CHST9: variants seen among roughly 807,000 people sequenced by gnomAD.
CHST9 encodes the protein carbohydrate sulfotransferase 9.
In CHST9, 41 loss-of-function variants were observed where a neutral mutation model predicts 44.4. The ratio of observed to expected loss-of-function variants is 0.92; its 90% CI spans 0.72 to 1.20. The LOEUF is 1.20. CHST9 is among the 50% of genes most tolerant of loss of function. The pLI is 0.00. For missense variants in CHST9, 504 were observed against 516.5 expected (o/e 0.98, Z 0.23); for synonymous variants, 171 against 178.4 (o/e 0.96, Z 0.33).
rs1470972438 is a variant in CHST9, at chr18:27,142,739, C to T, written c.71G>A (p.Gly24Glu). Residue 24 changes from glycine to glutamate, a missense_variant, in exon 2 of 6, where the codon GGG becomes GAG. Transcript: ENST00000618847. ...TTGCAAATACATGAAGAGGAGTAGC[C>T]CAGCTACTCCAAATATCAGCACAGA... ...FLSVLIFGVAGLLLFMYLQVW... is the reference protein window; with the variant it reads ...FLSVLIFGVAELLLFMYLQVW... 1 of 1,606,394 alleles carries T rather than the reference C, an allele frequency of 6.2e-7. No homozygotes were observed. The highest frequency in any genetic ancestry group is 1.7e-5 in the Admixed American group (1 of 59,828).
At chr18:27,083,070 T>G (rs1385753) in intron 2 of CHST9, among the ~76,000 whole-genome samples, 1 of 151,890 alleles carries the variant, frequency 6.6e-6, no homozygotes, top group Non-Finnish European at 1.5e-5. Flanking sequence ...TGTGAAGAGA[T>G]AGCCGTAAGG....
intron 4 of CHST9, among the ~76,000 whole-genome samples, chr18:27,021,587 A>G (rs1161277283): frequency 2.0e-5 from 3 of 152,140 alleles, no homozygotes; most frequent in African/African-American, 7.2e-5. Context: ...CTGCAAACTC[A>G]TGTTTTCAGG....
At chr18:26,924,273 A>G (rs748315218) in intron 5 of CHST9, among the ~76,000 whole-genome samples, 23 of 152,170 alleles carry the variant, frequency 1.5e-4, no homozygotes, top group Non-Finnish European at 2.2e-4. Context: ...TCGAAGCATA[A>G]GGGTGACAGA....
intron 1 of CHST9, among the ~76,000 whole-genome samples, chr18:27,155,195 A>G (rs1057340945): frequency 1.3e-5 from 2 of 152,272 alleles, no homozygotes; most frequent in Admixed American, 6.5e-5. Context: ...AAGTTAGTAC[A>G]TGAAAAATAT....
intron 3 of CHST9, among the ~76,000 whole-genome samples, chr18:27,043,730 C>A (rs1443088281): frequency 1.3e-5 from 2 of 152,004 alleles, no homozygotes; most frequent in Non-Finnish European, 2.9e-5. Context: ...TTTTAGAAAC[C>A]TCTCTCCTGG....
intron 4 of CHST9, among the ~76,000 whole-genome samples, chr18:27,010,610 CAT>C (rs1313060116): frequency 6.6e-6 from 1 of 152,158 alleles, no homozygotes; most frequent in Non-Finnish European, 1.5e-5. Flanking sequence ...TTGGGTTTCT[CAT>C]ATACAACATG....
At chr18:27,034,630 T>C (rs747812476) in intron 3 of CHST9, among the ~76,000 whole-genome samples, 3 of 152,220 alleles carry the variant, frequency 2.0e-5, no homozygotes, top group Non-Finnish European at 4.4e-5. Flanking sequence ...ACTTTCTTTC[T>C]TCTTCCTCAA....
chr18:27,097,043 C>T (rs553423969), intron 2 of CHST9, among the ~76,000 whole-genome samples: 13 of 152,174 alleles, frequency 8.5e-5, no homozygotes, highest in African/African-American at 3.1e-4. Context: ...TACTAGCAAA[C>T]TGAATTCAAC....
intron 4 of CHST9, among the ~76,000 whole-genome samples, chr18:27,018,506 G>C (rs141469006): frequency 2.0e-5 from 3 of 152,278 alleles, no homozygotes; most frequent in Non-Finnish European, 4.4e-5. Flanking sequence ...GACAGCCCCA[G>C]TGTGTGCAGA....
chr18:27,027,778 C>T (rs1365877784), intron 3 of CHST9, among the ~76,000 whole-genome samples: 2 of 152,190 alleles, frequency 1.3e-5, no homozygotes, highest in South Asian at 2.1e-4. Flanking sequence ...GTATATTTCT[C>T]AGTTTCTGTT....
At chr18:27,142,659 T>A (rs1396410196) in intron 2 of CHST9, 30 bp downstream of exon 2, 3 of 1,511,050 alleles carry the variant, frequency 2.0e-6, no homozygotes, top group Non-Finnish European at 2.7e-6. Flanking sequence ...ATTGTTACAA[T>A]TAAAATAGAA....
intron 2 of CHST9, among the ~76,000 whole-genome samples, chr18:27,127,616 T>A (rs547983222): frequency 6.6e-6 from 1 of 152,110 alleles, no homozygotes; most frequent in Non-Finnish European, 1.5e-5. Context: ...AGGGAAAATA[T>A]GGTTGAAAGA....
intron 4 of CHST9, 79 bp from the exon 5 acceptor site, chr18:26,944,445 C>T: frequency 1.0e-6 from 1 of 1,001,646 alleles, no homozygotes; most frequent in Non-Finnish European, 1.6e-6. Flanking sequence ...GCTCTGTTTA[C>T]AGTAAACACT....
At chr18:26,930,485 A>G (rs989417926) in intron 5 of CHST9, among the ~76,000 whole-genome samples, 4 of 152,216 alleles carry the variant, frequency 2.6e-5, no homozygotes, top group African/African-American at 9.6e-5. Context: ...ATGCATTCAG[A>G]TACATTTTAT....
intron 4 of CHST9, among the ~76,000 whole-genome samples, chr18:26,970,896 A>G (rs2056534020): frequency 6.6e-6 from 1 of 152,082 alleles, no homozygotes; most frequent in African/African-American, 2.4e-5. Flanking sequence ...ATGTTTCAAG[A>G]TCTATTCCTG....
chr18:27,019,595 G>A (rs2057196212), intron 4 of CHST9, among the ~76,000 whole-genome samples: 2 of 147,156 alleles, frequency 1.4e-5, no homozygotes, highest in South Asian at 4.3e-4. Context: ...GAACTATATC[G>A]AGATCTCCAA....
intron 2 of CHST9, among the ~76,000 whole-genome samples, chr18:27,099,235 C>A (rs2058147423): frequency 6.6e-6 from 1 of 151,978 alleles, no homozygotes; most frequent in Non-Finnish European, 1.5e-5. Flanking sequence ...TACAAGAATC[C>A]TAGAAGAAAA....
chr18:27,104,423 T>G (rs1240656285), intron 2 of CHST9, among the ~76,000 whole-genome samples: 1 of 152,206 alleles, frequency 6.6e-6, no homozygotes, highest in Non-Finnish European at 1.5e-5. Flanking sequence ...TACTTTTGTT[T>G]TCTGTGACTG....
intron 1 of CHST9, among the ~76,000 whole-genome samples, chr18:27,179,802 T>C (rs996291321): frequency 2.6e-5 from 4 of 152,140 alleles, no homozygotes; most frequent in Non-Finnish European, 5.9e-5. Flanking sequence ...ACTCTAGAAC[T>C]GATAGACTAT....
Sources: allele counts gnomAD v4.1 joint callset (sites outside exome capture counted in the v4.1 genomes callset), GRCh38; gene constraint gnomAD v4.1.1; transcripts MANE v1.5; gene names NCBI Gene and HGNC (gene_info 2026-07-23, HGNC 2026-07-21).